The following KCTD16 variants were observed in gnomAD, a reference collection of about 807,000 sequenced individuals.
KCTD16 encodes BTB/POZ domain-containing protein KCTD16.
KCTD16 carries 13 observed loss-of-function variants against 33.2 expected under a neutral mutation model. That is an observed-to-expected ratio of 0.39 (90% CI 0.25 to 0.62). KCTD16 has a LOEUF of 0.62. KCTD16 is among the 20% of genes least tolerant of loss of function. The pLI is 0.50. For synonymous variants in KCTD16, 197 were observed against 195.3 expected, an observed-to-expected ratio of 1.01 and a Z score of -0.07; for missense variants, 441 against 525.1, an observed-to-expected ratio of 0.84 and a Z score of 1.57.
intron 3 of KCTD16, among the ~76,000 whole-genome samples, chr5:144,424,685 G>A (rs566849487): frequency 6.6e-6 from 1 of 152,198 alleles, no homozygotes; most frequent in South Asian, 2.1e-4. Context: ...TGATTCCATG[G>A]CAAAAGAGCA....
intron 3 of KCTD16, among the ~76,000 whole-genome samples, chr5:144,422,126 A>G (rs1753226196): frequency 1.3e-5 from 2 of 152,172 alleles, no homozygotes; most frequent in Admixed American, 1.3e-4. Flanking sequence ...AGAGAATGTA[A>G]AACTAGAAAC....
chr5:144,456,897 C>CTA (rs1244992707), intron 3 of KCTD16, among the ~76,000 whole-genome samples: 1 of 152,022 alleles, frequency 6.6e-6, no homozygotes, highest in Non-Finnish European at 1.5e-5. Flanking sequence ...ACACCTAGCA[C>CTA]TATACAGACT....
intron 3 of KCTD16, among the ~76,000 whole-genome samples, chr5:144,442,523 C>A (rs1400978665): frequency 3.4e-5 from 5 of 145,364 alleles, no homozygotes; most frequent in African/African-American, 1.3e-4. Context: ...TTCCCTCCTT[C>A]CCTCCCTCCT....
chr5:144,296,208 G>A (rs1428334771), intron 3 of KCTD16, among the ~76,000 whole-genome samples: 1 of 144,640 alleles, frequency 6.9e-6, no homozygotes, highest in East Asian at 2.0e-4. Flanking sequence ...AAAGAGCCCA[G>A]AAATGGTAAA....
At chr5:144,320,795 G>C (rs538908900) in intron 3 of KCTD16, among the ~76,000 whole-genome samples, 2 of 151,340 alleles carry the variant, frequency 1.3e-5, no homozygotes, top group African/African-American at 4.8e-5. Flanking sequence ...CTAGCTTTAG[G>C]GAATAGATGG....
chr5:144,360,598 AT>A (rs1751687845), intron 3 of KCTD16, among the ~76,000 whole-genome samples: 1 of 151,832 alleles, frequency 6.6e-6, no homozygotes, highest in African/African-American at 2.4e-5. Context: ...CGCCCAGCTA[AT>A]TTTTGTATTT....
intron 3 of KCTD16, among the ~76,000 whole-genome samples, chr5:144,278,876 G>A (rs1043978077): frequency 1.3e-5 from 2 of 152,158 alleles, no homozygotes; most frequent in African/African-American, 4.8e-5. Context: ...CATTTGGATT[G>A]TATTATACGT....
At chr5:144,325,565 A>C (rs1457463206) in intron 3 of KCTD16, among the ~76,000 whole-genome samples, 1 of 151,840 alleles carries the variant, frequency 6.6e-6, no homozygotes, top group Non-Finnish European at 1.5e-5. Context: ...TGAACAGATT[A>C]TTTTCTTTGA....
At chr5:144,222,585 C>T (rs1753793783) in intron 3 of KCTD16, among the ~76,000 whole-genome samples, 1 of 152,112 alleles carries the variant, frequency 6.6e-6, no homozygotes, top group African/African-American at 2.4e-5. Context: ...ATCAAAACCA[C>T]AATGAGATAC....
At position 144,399,054 on chromosome 5, in the gene KCTD16, T is replaced by C. The variant is rs993960036; in HGVS notation, c.833-74606T>C. On this transcript the variant is annotated intron_variant, in intron 3 of 3. Transcript: ENST00000512467. ...TAATACAGAGGAGCAATACACTCAT[T>C]TGTATTCTCTTAAAGCTAGTGTTGA... 2.6e-5 allele frequency among the ~76,000 whole-genome samples: 4 copies of C among 152,274 alleles called. No homozygotes were observed. The East Asian group carries it at 7.7e-4, about 29-fold the overall frequency.
At chr5:144,264,135 G>T (rs1465260075) in intron 3 of KCTD16, among the ~76,000 whole-genome samples, 1 of 152,132 alleles carries the variant, frequency 6.6e-6, no homozygotes, top group Admixed American at 6.5e-5. Flanking sequence ...GGGTCCCCAT[G>T]TCTTTTGAAC....
At chr5:144,231,782 T>C (rs1754110655) in intron 3 of KCTD16, among the ~76,000 whole-genome samples, 2 of 152,186 alleles carry the variant, frequency 1.3e-5, no homozygotes, top group Admixed American at 6.5e-5. Context: ...AGGATGTGTT[T>C]GGTTTCCCCT....
At chr5:144,299,130 ATATATATATATATATATATTTTTT>A (rs1561558692) in intron 3 of KCTD16, among the ~76,000 whole-genome samples, 4 of 27,092 alleles carry the variant, frequency 1.5e-4, no homozygotes, top group African/African-American at 1.2e-3. Flanking sequence ...ATATATATAT[ATATATATATATATATATATTTTTT>A]TTTTTTTTTT....
At chr5:144,419,236 T>A (rs1467845176) in intron 3 of KCTD16, among the ~76,000 whole-genome samples, 2 of 152,210 alleles carry the variant, frequency 1.3e-5, no homozygotes, top group African/African-American at 2.4e-5. Context: ...GATATTCTTA[T>A]GTTTGACTGC....
chr5:144,395,606 G>T (rs1752550893), intron 3 of KCTD16, among the ~76,000 whole-genome samples: 1 of 152,176 alleles, frequency 6.6e-6, no homozygotes, highest in Non-Finnish European at 1.5e-5. Flanking sequence ...TTCAGCACTA[G>T]CAGTTCCTGC....
chr5:144,239,891 G>A (rs1483432175), intron 3 of KCTD16, among the ~76,000 whole-genome samples: 15 of 152,120 alleles, frequency 9.9e-5, no homozygotes, highest in Admixed American at 9.8e-4. Context: ...ATCTCTACAA[G>A]TGAGAGGAAA....
intron 2 of KCTD16, among the ~76,000 whole-genome samples, chr5:144,181,015 C>T (rs900728467): frequency 1.3e-4 from 19 of 151,916 alleles, no homozygotes; most frequent in Non-Finnish European, 2.1e-4. Flanking sequence ...TCACTGCAAG[C>T]TCCGCCTCCC....
At chr5:144,387,531 A>G (rs952346726) in intron 3 of KCTD16, among the ~76,000 whole-genome samples, 2 of 152,156 alleles carry the variant, frequency 1.3e-5, no homozygotes, top group Non-Finnish European at 2.9e-5. Context: ...ATGCTTCTCA[A>G]CTTACTTAAA....
chr5:144,409,628 G>A (rs534957114), intron 3 of KCTD16, among the ~76,000 whole-genome samples: 1 of 152,154 alleles, frequency 6.6e-6, no homozygotes, highest in East Asian at 1.9e-4. Context: ...GGAGGCCGAG[G>A]TGGGCAGATC....
Sources: gnomAD v4.1 joint callset for allele counts (sites outside exome capture counted in the v4.1 genomes callset) on GRCh38, gnomAD v4.1.1 for gene constraint, MANE v1.5 for transcripts, NCBI Gene and HGNC (gene_info 2026-07-23, HGNC 2026-07-21) for gene names.